DYNC2H1: variants seen among roughly 807,000 people sequenced by gnomAD.
DYNC2H1 encodes cytoplasmic dynein 2 heavy chain 1.
DYNC2H1 carries 410 observed loss-of-function variants against 570.0 expected under a neutral mutation model. The observed-to-expected ratio is 0.72, with a 90% CI of 0.66 to 0.78. The LOEUF is 0.78. Ranked by LOEUF, DYNC2H1 falls within the 30% of genes least tolerant of loss-of-function variation. DYNC2H1 has a pLI of 0.00. For missense variants in DYNC2H1, 4,865 were observed against 5,046.4 expected (o/e 0.96, Z 1.09); for synonymous variants, 1,688 against 1,677.6 (o/e 1.01, Z -0.15).
intron 83 of DYNC2H1, among the ~76,000 whole-genome samples, chr11:103,380,886 G>A (rs568574504): frequency 2.0e-5 from 3 of 152,300 alleles, no homozygotes; most frequent in Non-Finnish European, 2.9e-5. Flanking sequence ...ACAAAAAAAG[G>A]TGGAATGGTA....
chr11:103,230,989 A>G (rs1441780786), intron 59 of DYNC2H1, among the ~76,000 whole-genome samples: 1 of 152,194 alleles, frequency 6.6e-6, no homozygotes, highest in South Asian at 2.1e-4. Flanking sequence ...TAGAAGGGAT[A>G]GAAGATAAAT....
In DYNC2H1 at chr11:103,427,860, T is replaced by C. The variant is rs188496731; in HGVS notation, c.12367-8083T>C. On this transcript the variant is annotated intron_variant, in intron 84 of 88. Transcript: ENST00000375735. ...ACACACATTCAGTCCACAGCAAATA[T>C]TAACTAAATCGCTTTTTAAAAACTG... Among the ~76,000 whole-genome samples, 304 of 152,154 alleles carry C rather than the reference T, an allele frequency of 2.0e-3. 6 individuals carry two copies. Among genetic ancestry groups the C allele is most frequent in the Admixed American group, 0.018 (274 of 15,248 alleles).
At chr11:103,430,835 C>T (rs1943862027) in intron 84 of DYNC2H1, among the ~76,000 whole-genome samples, 1 of 152,114 alleles carries the variant, frequency 6.6e-6, no homozygotes, top group Non-Finnish European at 1.5e-5. Context: ...TAACTCTTGC[C>T]ATTCTACGCA....
At chr11:103,135,423 A>G (rs762140165) in intron 15 of DYNC2H1, 72 bp from the exon 16 acceptor site, 9 of 1,322,134 alleles carry the variant, frequency 6.8e-6, no homozygotes, top group Non-Finnish European at 8.9e-6. Flanking sequence ...ATTATGTGAC[A>G]TGAAAGTATT....
chr11:103,154,493 C>T lies in DYNC2H1; in HGVS notation c.3345C>T (p.Ser1115=), dbSNP rs780616805. 4 of 1,559,304 alleles carry T rather than the reference C, an allele frequency of 2.6e-6. No individual in the cohort carries two copies. The highest frequency in any genetic ancestry group is 1.2e-5 in the South Asian group (1 of 81,338). Residue 1115 remains serine (S), a synonymous_variant, in exon 23 of 89, where the codon TCC becomes TCT. Coordinates refer to ENST00000375735, the MANE Select transcript of DYNC2H1 (RefSeq NM_001377.3). ...TTAGACTGGAAGAGCCTAATTTCTCCCTGGCAAGTAGTATCTCTAAAGATA... is the reference window on the plus strand; with the variant it reads ...TTAGACTGGAAGAGCCTAATTTCTCTCTGGCAAGTAGTATCTCTAAAGATA... ...HHFRLEEPNF[S]LASSISKDIE...
intron 83 of DYNC2H1, among the ~76,000 whole-genome samples, chr11:103,359,758 G>C (rs1325115105): frequency 6.7e-6 from 1 of 149,618 alleles, no homozygotes; most frequent in Admixed American, 6.8e-5. Context: ...TCCGCCTCCC[G>C]GGTTCAAGTG....
intron 34 of DYNC2H1, among the ~76,000 whole-genome samples, chr11:103,172,409 C>T (rs1243447392): frequency 1.3e-5 from 2 of 152,016 alleles, no homozygotes; most frequent in Non-Finnish European, 2.9e-5. Context: ...TCTTTTTCAT[C>T]TTAATAATAA....
At chr11:103,317,136 A>AG in intron 80 of DYNC2H1, among the ~76,000 whole-genome samples, 1 of 152,250 alleles carries the variant, frequency 6.6e-6, no homozygotes. Context: ...GGGCGAAGGG[A>AG]GGGGGACACT....
At chr11:103,313,514 T>C (rs1313945572) in intron 79 of DYNC2H1, among the ~76,000 whole-genome samples, 1 of 152,164 alleles carries the variant, frequency 6.6e-6, no homozygotes, top group African/African-American at 2.4e-5. Context: ...TTCCCCCTCA[T>C]GCTGCTCCCC....
chr11:103,146,354 C>A (rs1007734241), intron 18 of DYNC2H1, among the ~76,000 whole-genome samples: 4 of 152,086 alleles, frequency 2.6e-5, no homozygotes, highest in Admixed American at 6.5e-5. Context: ...ATGAGATTTT[C>A]CTCAGATGAC....
intron 83 of DYNC2H1, among the ~76,000 whole-genome samples, chr11:103,377,442 ACAT>A (rs1277854906): frequency 1.3e-5 from 2 of 152,158 alleles, no homozygotes; most frequent in East Asian, 1.9e-4. Flanking sequence ...CAATAAAGTA[ACAT>A]CATATAAGAG....
intron 75 of DYNC2H1, among the ~76,000 whole-genome samples, chr11:103,295,642 G>T (rs1866790538): frequency 6.6e-6 from 1 of 152,298 alleles, no homozygotes; most frequent in East Asian, 1.9e-4. Flanking sequence ...CATAGTGAAG[G>T]TTATGAAATA....
At chr11:103,120,852 T>C in intron 8 of DYNC2H1, 50 bp downstream of exon 8, 1 of 1,146,438 alleles carries the variant, frequency 8.7e-7, no homozygotes. Flanking sequence ...AGCTAATATA[T>C]ATATAAAAAT....
At chr11:103,379,806 A>G (rs985076864) in intron 83 of DYNC2H1, among the ~76,000 whole-genome samples, 1 of 152,110 alleles carries the variant, frequency 6.6e-6, no homozygotes, top group Non-Finnish European at 1.5e-5. Context: ...AAATCAGATA[A>G]TGCTCCAGCA....
Position 103,252,268 on chromosome 11 carries a change from TC to T in DYNC2H1, c.10043-1016del, listed in dbSNP as rs1304730835. 1.3e-5 allele frequency among the ~76,000 whole-genome samples: 2 copies of T among 152,186 alleles called. No individual in the cohort carries two copies. Among genetic ancestry groups the T allele is most frequent in the Admixed American group, 1.3e-4 (2 of 15,272 alleles). ...CTTTATCCGATCTGTTGATGGACATTCAGGTTGTTTCCATGTCTTGGCTGTT... is the reference window on the plus strand; with the variant it reads ...CTTTATCCGATCTGTTGATGGACATTAGGTTGTTTCCATGTCTTGGCTGTT... On this transcript the variant is annotated intron_variant, in intron 65 of 88. Transcript: ENST00000375735. This position sits in a 1 kb window ranked among gnomAD's most constrained non-coding sequence, Gnocchi z 4.6.
intron 55 of DYNC2H1, among the ~76,000 whole-genome samples, chr11:103,218,755 A>G (rs1000515620): frequency 3.9e-5 from 6 of 152,198 alleles, no homozygotes; most frequent in Non-Finnish European, 8.8e-5. Context: ...GAGAAGCGAT[A>G]TTTCTAAGAC....
chr11:103,422,706 A>G (rs1379759414), intron 84 of DYNC2H1, among the ~76,000 whole-genome samples: 2 of 152,170 alleles, frequency 1.3e-5, no homozygotes, highest in Non-Finnish European at 2.9e-5. Context: ...AGAGAGCCAT[A>G]TATGACAAAC....
chr11:103,316,318 A>T (rs1269124310), intron 79 of DYNC2H1, among the ~76,000 whole-genome samples: 2 of 152,072 alleles, frequency 1.3e-5, no homozygotes, highest in South Asian at 4.1e-4. Context: ...CCACATAACT[A>T]ACTAAAACTA....
rs563761522 is a variant in DYNC2H1, at chr11:103,479,271, A to G, written c.*18A>G. ...ATCAGTAGAATCTAATGACAACAAA[A>G]GCCATCTTCACAAAAGGGAACATTG... On this transcript the variant is annotated 3_prime_UTR_variant, in exon 89 of 89. Transcript: ENST00000375735. 1 of 1,601,608 alleles carries G rather than the reference A, an allele frequency of 6.2e-7. No individual in the cohort carries two copies. Among genetic ancestry groups the G allele is most frequent in the South Asian group, 1.1e-5 (1 of 88,996 alleles).
Sources: allele counts gnomAD v4.1 joint callset (sites outside exome capture counted in the v4.1 genomes callset), GRCh38; gene constraint gnomAD v4.1.1; non-coding constraint Gnocchi (gnomAD v3.1); transcripts MANE v1.5; gene names NCBI Gene and HGNC (gene_info 2026-07-23, HGNC 2026-07-21).